THEM5: variants seen among roughly 807,000 people sequenced by gnomAD.
THEM5 encodes the protein thioesterase superfamily member 5.
Under a neutral mutation model 24.2 loss-of-function variants are expected in THEM5, and 28 were observed. That is an observed-to-expected ratio of 1.16 (90% CI 0.86 to 1.59). THEM5 has a LOEUF of 1.59. Ranked by LOEUF, THEM5 falls within the 40% of genes most tolerant of loss-of-function variation. The pLI, the probability that THEM5 is intolerant of heterozygous loss-of-function variation, is 0.00. For synonymous variants in THEM5, 87 were observed against 114.5 expected (o/e 0.76, Z 1.53); for missense variants, 260 against 296.8 (o/e 0.88, Z 0.91).
chr1:151,852,306 C>T lies in THEM5; in HGVS notation c.277G>A (p.Asp93Asn). 3 of 1,614,044 alleles carry T rather than the reference C, an allele frequency of 1.9e-6. No individual in the cohort carries two copies. The highest frequency in any genetic ancestry group is 2.5e-6 in the Non-Finnish European group (3 of 1,180,012). ...GGGAGCTTGAGTCCCCGGATGTGGTCTCTGTTGGACTTGAAGGAGGGCAGC... is the reference window on the plus strand; with the variant it reads ...GGGAGCTTGAGTCCCCGGATGTGGTTTCTGTTGGACTTGAAGGAGGGCAGC... ...IKLPSFKSNR[D>N]HIRGLKLPSG... Residue 93 changes from aspartate (D) to asparagine (N), a missense_variant, in exon 2 of 6, where the codon GAC becomes AAC. Transcript: ENST00000368817.
intron 3 of THEM5, among the ~76,000 whole-genome samples, chr1:151,849,854 C>T (rs1653060389): frequency 6.6e-6 from 1 of 152,146 alleles, no homozygotes; most frequent in Non-Finnish European, 1.5e-5. Flanking sequence ...CTGGTGGATA[C>T]TAATCTCTTC....
chr1:151,850,625 C>G (rs1192977312), intron 3 of THEM5, among the ~76,000 whole-genome samples: 1 of 152,164 alleles, frequency 6.6e-6, no homozygotes, highest in Non-Finnish European at 1.5e-5. Flanking sequence ...TATCATATCT[C>G]TGGTCACCCT....
Position 151,847,187 on chromosome 1 carries a change from T to C in THEM5, c.*184A>G. On this transcript the variant is annotated 3_prime_UTR_variant, in exon 6 of 6. Coordinates refer to ENST00000368817, the MANE Select transcript of THEM5 (RefSeq NM_182578.4). The stretch of plus-strand genomic sequence containing the variant: ...TGCTTGAGGACCCCTCCCTGCTCTT[T>C]GATGGGTCCCAGGCAGGCAGGGGAG... 1.1e-6 allele frequency: 1 copy of C among 925,394 alleles called. No individual in the cohort carries two copies. The highest frequency in any genetic ancestry group is 1.7e-6 in the Non-Finnish European group (1 of 572,506). The allele number at this position is 925,394 out of a possible 1,614,324, so 57.3% of individuals were successfully genotyped here. A position where few individuals can be genotyped will look rare whatever the true frequency, so the allele number is the denominator to read the frequency against.
intron 4 of THEM5, 119 bp from the exon 5 acceptor site, chr1:151,847,981 T>TCAAAGA (rs1652994429): frequency 7.2e-6 from 11 of 1,534,922 alleles, no homozygotes; most frequent in Non-Finnish European, 9.6e-6. Context: ...GAAGTGGCCC[T>TCAAAGA]GGGCTCAGGG....
At chr1:151,847,522 C>T (rs1013730125) in intron 5 of THEM5, 108 bp from the exon 6 acceptor site, 2 of 1,480,920 alleles carry the variant, frequency 1.4e-6, no homozygotes, top group African/African-American at 2.8e-5. Flanking sequence ...GGGTCCTGTC[C>T]TTTCGTTACA....
chr1:151,850,995 G>T (rs1044494161), intron 3 of THEM5, 58 bp downstream of exon 3: 11 of 1,605,646 alleles, frequency 6.9e-6, no homozygotes, highest in Non-Finnish European at 9.4e-6. Flanking sequence ...GGTGGGTGCT[G>T]AACCTGCCCT....
At chr1:151,847,709 G>C in intron 5 of THEM5, 29 bp downstream of exon 5, 1 of 1,610,672 alleles carries the variant, frequency 6.2e-7, no homozygotes, top group Non-Finnish European at 8.5e-7. Context: ...GTGGGACGGG[G>C]CCTGGGGCTG....
Position 151,851,072 on chromosome 1 carries a change from A to G in THEM5, c.445T>C (p.Tyr149His), listed in dbSNP as rs1461794961. ...CCTTACCCTGGGGGCCCCTCCAGGT[A>G]GGAGCCTGGTTGGAAAAGACAGACC... ...KSVCLFQPGS[Y>H]LEGPPGFAHG... Residue 149 changes from tyrosine to histidine, a missense_variant, in exon 3 of 6, where the codon TAC becomes CAC. Transcript: ENST00000368817. The G allele has an allele frequency of 1.2e-6, 2 of 1,614,058 alleles. No homozygotes were observed. Among genetic ancestry groups the G allele is most frequent in the Middle Eastern group, 1.6e-4 (1 of 6,084 alleles).
At chr1:151,852,530 A>G in intron 1 of THEM5, 71 bp from the exon 2 acceptor site, 29 of 1,449,734 alleles carry the variant, frequency 2.0e-5, no homozygotes, top group Non-Finnish European at 2.8e-5. Flanking sequence ...CGGGACCTCT[A>G]AACAGCTGTT....
chr1:151,853,327 C>T (rs1458654973), intron 1 of THEM5, 116 bp downstream of exon 1: 2 of 1,360,082 alleles, frequency 1.5e-6, no homozygotes, highest in South Asian at 1.7e-5. Flanking sequence ...TCAAATAGCT[C>T]CTCCGAACAC....
chr1:151,853,411 AC>A, intron 1 of THEM5, 31 bp downstream of exon 1: 1 of 1,604,644 alleles, frequency 6.2e-7, no homozygotes, highest in Non-Finnish European at 8.5e-7. Flanking sequence ...TCCTGGGAAA[AC>A]ACTGCCCATC....
Position 151,853,656 on chromosome 1 carries a change from C to G in THEM5, c.-91G>C. 1 of 1,458,990 alleles carries G rather than the reference C, an allele frequency of 6.9e-7. No homozygotes were observed. Among genetic ancestry groups the G allele is most frequent in the Non-Finnish European group, 9.1e-7 (1 of 1,098,094 alleles). The allele number at this position is 1,458,990 out of a possible 1,614,324, so 90.4% of individuals were successfully genotyped here. A position where few individuals can be genotyped will look rare whatever the true frequency, so the allele number is the denominator to read the frequency against. ...CAGCTGCACTTGGGGCCGCTTCTCT[C>G]CCTTCTGTTGCAGGCTTTCTTTCAG... On this transcript the variant is annotated 5_prime_UTR_variant, in exon 1 of 6. Coordinates refer to ENST00000368817, the MANE Select transcript of THEM5 (RefSeq NM_182578.4).
chr1:151,851,226 G>T (rs748821315), intron 2 of THEM5, 35 bp from the exon 3 acceptor site: 2 of 1,613,772 alleles, frequency 1.2e-6, no homozygotes, highest in South Asian at 1.1e-5. Flanking sequence ...AGCCGGAGAA[G>T]GGAGGGTATG....
rs749918467 is a variant in THEM5, at chr1:151,852,410, G to T, written c.173C>A (p.Pro58His). ...EKTDLKDYALPNASWCSDMLS... is the reference protein window; with the variant it reads ...EKTDLKDYALHNASWCSDMLS... ...CATGTCCGAACACCAGCTGGCATTG[G>T]GAAGAGCATAATCCTTCAAGTCTGT... The change falls in exon 2 of 6, where the codon CCC becomes CAC. Residue 58 changes from proline (P) to histidine (H), a missense_variant. Transcript: ENST00000368817. 1.2e-6 allele frequency: 2 copies of T among 1,614,106 alleles called. No homozygotes were observed. Among genetic ancestry groups the T allele is most frequent in the Admixed American group, 3.3e-5 (2 of 60,012 alleles).
chr1:151,853,215 G>A (rs1295187115), intron 1 of THEM5, among the ~76,000 whole-genome samples: 1 of 152,248 alleles, frequency 6.6e-6, no homozygotes, highest in Non-Finnish European at 1.5e-5. Flanking sequence ...AAAGTCATTT[G>A]TTGGTGGCCA....
chr1:151,847,963 A>G, intron 4 of THEM5, 101 bp from the exon 5 acceptor site: 1 of 1,560,194 alleles, frequency 6.4e-7, no homozygotes. Flanking sequence ...CCCGGCCTCG[A>G]GGACTCAGAA....
At position 151,852,408 on chromosome 1, in the gene THEM5, T is replaced by A. The variant is rs150019062; in HGVS notation, c.175A>T (p.Asn59Tyr). Reference sequence around the variant, plus strand: ...AGCATGTCCGAACACCAGCTGGCATTGGGAAGAGCATAATCCTTCAAGTCT... The same window carrying A: ...AGCATGTCCGAACACCAGCTGGCATAGGGAAGAGCATAATCCTTCAAGTCT... ...KTDLKDYALP[N>Y]ASWCSDMLSL... The change falls in exon 2 of 6, where the codon AAT becomes TAT. Residue 59 changes from asparagine (N) to tyrosine (Y), a missense_variant. By Grantham distance (143) the Asn-to-Tyr change is moderately radical (BLOSUM62 -2). Transcript: ENST00000368817. 3.7e-6 allele frequency: 6 copies of A among 1,613,980 alleles called. No homozygotes were observed. The African/African-American group carries it at 8.0e-5, about 22-fold the overall frequency.
rs777804109 is a variant in THEM5 at position 151,847,823 on chromosome 1, T to C, written c.615A>G (p.Glu205=). 1.2e-5 allele frequency: 19 copies of C among 1,613,938 alleles called. No individual in the cohort carries two copies. The African/African-American group carries it at 1.6e-4, about 14-fold the overall frequency. Reference sequence around the variant, plus strand: ...GCTTCTGGTCCTCAATCTTGTCCAGTTCTACGTCCATTACAACCAGAGAGT... The same window carrying C: ...GCTTCTGGTCCTCAATCTTGTCCAGCTCTACGTCCATTACAACCAGAGAGT... ...PVDSLVVMDV[E]LDKIEDQKLY... The change falls in exon 5 of 6, where the codon GAA becomes GAG. Residue 205 remains glutamate, a synonymous_variant. Transcript: ENST00000368817.
At chr1:151,852,548 G>A in intron 1 of THEM5, 89 bp from the exon 2 acceptor site, 6 of 1,253,726 alleles carry the variant, frequency 4.8e-6, no homozygotes, top group Non-Finnish European at 6.9e-6. Context: ...GTTCCTGGGT[G>A]CTGGGGCTTC....
Sources: allele counts gnomAD v4.1 joint callset (sites outside exome capture counted in the v4.1 genomes callset), GRCh38; gene constraint gnomAD v4.1.1; transcripts MANE v1.5; gene names NCBI Gene and HGNC (gene_info 2026-07-23, HGNC 2026-07-21).